The following IL33 variants were observed in gnomAD, a reference collection of about 807,000 sequenced individuals.
IL33 encodes the protein interleukin-33.
Under a neutral mutation model 27.3 loss-of-function variants are expected in IL33, and 37 were observed. That is an observed-to-expected ratio of 1.36 (90% confidence interval 1.04 to 1.78). The LOEUF is 1.78. Among genes scored for constraint, IL33 ranks in the 40% most tolerant of loss-of-function variants. The pLI is 0.00. For missense variants in IL33, 406 were observed against 311.4 expected, an observed-to-expected ratio of 1.30 and a Z score of -2.29; for synonymous variants, 132 against 102.9, an observed-to-expected ratio of 1.28 and a Z score of -1.71.
chr9:6,241,288 A>G (rs1002382804), intron 1 of IL33, among the ~76,000 whole-genome samples: 1 of 152,250 alleles, frequency 6.6e-6, no homozygotes. Flanking sequence ...ACCAAGTATT[A>G]TATACTATGC....
At chr9:6,223,545 A>G (rs1216002043) in intron 1 of IL33, among the ~76,000 whole-genome samples, 2 of 152,114 alleles carry the variant, frequency 1.3e-5, no homozygotes, top group Non-Finnish European at 2.9e-5. Flanking sequence ...TCCATGTTAT[A>G]CTAAAATTTT....
At chr9:6,238,828 C>G (rs1056938274) in intron 1 of IL33, among the ~76,000 whole-genome samples, 2 of 152,178 alleles carry the variant, frequency 1.3e-5, no homozygotes, top group Admixed American at 6.5e-5. Context: ...CCTCCACAAA[C>G]CACAGCACAG....
At position 6,252,952 on chromosome 9, in the gene IL33, G is replaced by T; in HGVS notation, c.430G>T (p.Glu144Ter). The T allele has an allele frequency of 6.3e-7, 1 of 1,591,304 alleles. No individual in the cohort carries two copies. Among genetic ancestry groups the T allele is most frequent in the South Asian group, 1.1e-5 (1 of 89,678 alleles). ...TTTTGCTTTGGAGGATGAAAGTTAT[G>T]AGATATATGTTGAAGACTTGAAAAA... is the stretch of plus-strand genomic sequence containing the variant. ...ITFALEDESY[E>*]IYVEDLKKDE... Residue 144 changes from glutamate to a stop codon, truncating the protein, a stop_gained, in exon 5 of 8, where the codon GAG (glutamate) becomes TAG (stop). Transcript: ENST00000682010. LOFTEE classifies it high-confidence loss of function.
In IL33 at chr9:6,255,980, GA is replaced by G. The variant is rs745790335; in HGVS notation, c.630del (p.Lys210AsnfsTer31). 12 of 1,613,504 alleles carry G rather than the reference GA, an allele frequency of 7.4e-6. No individual in the cohort carries two copies. Among genetic ancestry groups the G allele is most frequent in the Non-Finnish European group, 9.3e-6 (11 of 1,179,556 alleles). ...KEHSVELHKC[E>X]KPLPDQAFFV... ...CTTGTTTCCTCAGCTCCATAAGTGT[GA>G]AAAACCACTGCCAGACCAGGCCTTC... On this transcript the variant is annotated frameshift_variant, in exon 8 of 8. Transcript: ENST00000682010. LOFTEE classifies it low-confidence loss of function (END_TRUNC).
chr9:6,235,531 T>C (rs1408439470), intron 1 of IL33, among the ~76,000 whole-genome samples: 1 of 152,184 alleles, frequency 6.6e-6, no homozygotes, highest in African/African-American at 2.4e-5. Context: ...TTTTACCACA[T>C]AATATTTGAA....
In IL33 at chr9:6,218,086, G is replaced by T. The variant is rs901001987; in HGVS notation, c.-12+2234G>T. 2.8e-4 allele frequency among the ~76,000 whole-genome samples: 43 copies of T among 152,226 alleles called. 1 individual carries two copies. The highest frequency in any genetic ancestry group is 2.4e-3 in the Admixed American group (36 of 15,286). ...AATCCTCTATTTCCCAAAGTTTAGG[G>T]TGATTGAACTGAATCACACAGCTCG... is the stretch of plus-strand genomic sequence containing the variant. On this transcript the variant is annotated intron_variant, in intron 1 of 7. Coordinates refer to ENST00000682010, the MANE Select transcript of IL33 (RefSeq NM_033439.4).
intron 1 of IL33, among the ~76,000 whole-genome samples, chr9:6,236,013 A>G (rs1177499737): frequency 9.0e-6 from 1 of 111,550 alleles, no homozygotes; most frequent in Non-Finnish European, 1.9e-5. Flanking sequence ...ACCCACCCAC[A>G]CCCATACACA....
chr9:6,254,086 G>T (rs1159718470), intron 6 of IL33, among the ~76,000 whole-genome samples: 6 of 152,134 alleles, frequency 3.9e-5, no homozygotes, highest in African/African-American at 1.4e-4. Flanking sequence ...GAACTCAGTT[G>T]TATTACTACA....
At chr9:6,224,728 C>T (rs1407773050) in intron 1 of IL33, among the ~76,000 whole-genome samples, 1 of 152,194 alleles carries the variant, frequency 6.6e-6, no homozygotes, top group Non-Finnish European at 1.5e-5. Context: ...CATGCACATA[C>T]ATGCAATAGT....
At chr9:6,217,576 A>T (rs1200670809) in intron 1 of IL33, among the ~76,000 whole-genome samples, 1 of 152,218 alleles carries the variant, frequency 6.6e-6, no homozygotes, top group African/African-American at 2.4e-5. Context: ...ACAAGAATTG[A>T]GAGGTACCAC....
chr9:6,220,880 A>C (rs139634764), intron 1 of IL33, among the ~76,000 whole-genome samples: 1 of 152,086 alleles, frequency 6.6e-6, no homozygotes, highest in African/African-American at 2.4e-5. Flanking sequence ...CAGCCTCCTA[A>C]GTAGCTGAGA....
intron 1 of IL33, among the ~76,000 whole-genome samples, chr9:6,221,188 G>GA (rs1818398216): frequency 6.6e-6 from 1 of 151,878 alleles, no homozygotes; most frequent in African/African-American, 2.4e-5. Flanking sequence ...TCCCCCATAA[G>GA]AAAAAAGGTC....
At chr9:6,253,651 G>A in intron 6 of IL33, 49 bp downstream of exon 6, 2 of 1,442,524 alleles carry the variant, frequency 1.4e-6, no homozygotes, top group Non-Finnish European at 1.9e-6. Flanking sequence ...TTAAGTATGG[G>A]GTAAAGATAA....
At chr9:6,252,244 A>G (rs1158498122) in intron 4 of IL33, among the ~76,000 whole-genome samples, 2 of 152,042 alleles carry the variant, frequency 1.3e-5, no homozygotes, top group Non-Finnish European at 2.9e-5. Flanking sequence ...AGTATGTAAC[A>G]TTCTCCTTAA....
chr9:6,219,657 A>T (rs1818329448), intron 1 of IL33, among the ~76,000 whole-genome samples: 1 of 152,172 alleles, frequency 6.6e-6, no homozygotes, highest in Non-Finnish European at 1.5e-5. Flanking sequence ...TGAAACAAAC[A>T]AGCAACAAAA....
intron 1 of IL33, among the ~76,000 whole-genome samples, chr9:6,223,818 CG>C (rs1248594135): frequency 6.6e-6 from 1 of 152,130 alleles, no homozygotes; most frequent in African/African-American, 2.4e-5. Context: ...GAAGTTTCGT[CG>C]GGCAGTTTCA....
At chr9:6,218,899 CATATATATATATATATATATATATATAT>C (rs200982905) in intron 1 of IL33, among the ~76,000 whole-genome samples, 571 of 22,676 alleles carry the variant, frequency 0.025, 36 homozygotes, top group African/African-American at 0.12. Context: ...ATATGTTCTC[CATATATATATATATATATATATATATAT>C]ATATATATAT....
At chr9:6,247,479 G>T (rs1313164789) in intron 2 of IL33, among the ~76,000 whole-genome samples, 1 of 152,164 alleles carries the variant, frequency 6.6e-6, no homozygotes, top group Non-Finnish European at 1.5e-5. Context: ...CTAGTTCTCT[G>T]AGTGGCAGAA....
chr9:6,221,363 G>A (rs919040143), intron 1 of IL33, among the ~76,000 whole-genome samples: 7 of 152,172 alleles, frequency 4.6e-5, no homozygotes, highest in African/African-American at 1.7e-4. Context: ...TACAAAAAAT[G>A]TTTGGAGGAT....
Sources: allele counts gnomAD v4.1 joint callset (sites outside exome capture counted in the v4.1 genomes callset), GRCh38; gene constraint gnomAD v4.1.1; transcripts MANE v1.5; gene names NCBI Gene and HGNC (gene_info 2026-07-23, HGNC 2026-07-21).